MERTK: variants seen among roughly 807,000 people sequenced by gnomAD.
MERTK encodes the protein tyrosine-protein kinase Mer.
A neutral mutation model predicts 99.3 loss-of-function variants in MERTK; 69 were observed. The observed-to-expected ratio is 0.70, with a 90% CI of 0.57 to 0.85. MERTK has a LOEUF of 0.85. MERTK is among the 40% of genes least tolerant of loss of function. The pLI, the probability that MERTK is intolerant of heterozygous loss-of-function variation, is 0.00. For missense variants in MERTK, 1,125 were observed against 1,249.4 expected (o/e 0.90, Z 1.50); for synonymous variants, 426 against 467.6 (o/e 0.91, Z 1.15).
Position 111,968,231 on chromosome 2 carries a change from G to C in MERTK, c.939G>C (p.Pro313=). The C allele has an allele frequency of 6.2e-7, 1 of 1,613,558 alleles. No individual in the cohort carries two copies. The highest frequency in any genetic ancestry group is 8.5e-7 in the Non-Finnish European group (1 of 1,179,576). ...SWVPGFDGYS[P]FRNCSIQVKE... The stretch of plus-strand genomic sequence containing the variant: ...TTCCTGGTTTTGATGGATACTCCCC[G>C]TTCAGGAATTGCAGCATTCAGGTAA... The change falls in exon 6 of 19, where the codon CCG becomes CCC. Residue 313 remains proline (P), a synonymous_variant. Coordinates refer to ENST00000295408, the MANE Select transcript of MERTK (RefSeq NM_006343.3).
chr2:112,014,146 C>T (rs569353682), intron 15 of MERTK, among the ~76,000 whole-genome samples: 6 of 152,006 alleles, frequency 3.9e-5, no homozygotes, highest in African/African-American at 1.4e-4. Context: ...CTCAGCCTCC[C>T]GAGTACCTGG....
intron 15 of MERTK, among the ~76,000 whole-genome samples, chr2:112,011,398 C>T (rs916348775): frequency 2.0e-5 from 3 of 152,162 alleles, no homozygotes; most frequent in South Asian, 2.1e-4. Context: ...TCAGCCAGGT[C>T]GCTTTTCCAA....
intron 1 of MERTK, among the ~76,000 whole-genome samples, chr2:111,924,808 A>G (rs973445140): frequency 6.6e-6 from 1 of 151,984 alleles, no homozygotes; most frequent in Non-Finnish European, 1.5e-5. Context: ...TCAGTTTCCC[A>G]CCACCTTTGA....
At position 111,954,534 on chromosome 2, in the gene MERTK, G is replaced by T. The variant is rs1685114057; in HGVS notation, c.757+6967G>T. 2.0e-5 allele frequency among the ~76,000 whole-genome samples: 3 copies of T among 152,212 alleles called. No individual in the cohort carries two copies. In the South Asian group the frequency reaches 6.2e-4, roughly 31 times the overall value. ...CCTGGCACATAAGAACTATGTGAATGAATGAATGAACTAATGAGCAAACAA... is the reference window on the plus strand; with the variant it reads ...CCTGGCACATAAGAACTATGTGAATTAATGAATGAACTAATGAGCAAACAA... On this transcript the variant is annotated intron_variant, in intron 4 of 18. Transcript: ENST00000295408.
chr2:111,917,228 A>T (rs80088736), intron 1 of MERTK, among the ~76,000 whole-genome samples: 1 of 152,072 alleles, frequency 6.6e-6, no homozygotes, highest in Non-Finnish European at 1.5e-5. Flanking sequence ...TCCTCACACC[A>T]GTCAGTGGGG....
At chr2:111,900,122 A>G (rs1042565365) in intron 1 of MERTK, among the ~76,000 whole-genome samples, 2 of 152,032 alleles carry the variant, frequency 1.3e-5, no homozygotes, top group East Asian at 1.9e-4. Flanking sequence ...TTCACCTATT[A>G]CAGTCAAAGA....
At chr2:111,964,407 G>A (rs898488732) in intron 4 of MERTK, among the ~76,000 whole-genome samples, 17 of 149,198 alleles carry the variant, frequency 1.1e-4, no homozygotes, top group African/African-American at 2.8e-4. Context: ...GTGCGCGCGC[G>A]CACGCGCATG....
At chr2:111,958,543 G>A (rs1249016804) in intron 4 of MERTK, among the ~76,000 whole-genome samples, 1 of 152,144 alleles carries the variant, frequency 6.6e-6, no homozygotes, top group African/African-American at 2.4e-5. Flanking sequence ...TATCTCTTTG[G>A]CCTATGGGCA....
At chr2:111,919,028 A>G (rs1213235287) in intron 1 of MERTK, among the ~76,000 whole-genome samples, 1 of 152,206 alleles carries the variant, frequency 6.6e-6, no homozygotes, top group Admixed American at 6.5e-5. Flanking sequence ...TTTTACAGAA[A>G]GAGGAGAGTG....
chr2:112,023,185 C>T (rs367987423), intron 18 of MERTK, among the ~76,000 whole-genome samples: 6 of 152,184 alleles, frequency 3.9e-5, no homozygotes, highest in Middle Eastern at 3.4e-3. Context: ...GAGGCCGACG[C>T]GGGTGGATCA....
Position 112,019,544 on chromosome 2 carries a change from G to A in MERTK, c.2189+22G>A, listed in dbSNP as rs766025546. On this transcript the variant is annotated intron_variant, in intron 16 of 18. Transcript: ENST00000295408. The stretch of plus-strand genomic sequence containing the variant: ...GCATGTAAGAGTCCTCGGCTATCCT[G>A]GAAGGGTTTGGACCTCATGGTGTTT... 22 of 1,551,514 alleles carry A rather than the reference G, an allele frequency of 1.4e-5. No individual in the cohort carries two copies. The Admixed American group carries it at 3.7e-4, about 26-fold the overall frequency.
intron 1 of MERTK, among the ~76,000 whole-genome samples, chr2:111,901,805 T>C (rs1437777704): frequency 6.6e-6 from 1 of 152,118 alleles, no homozygotes; most frequent in African/African-American, 2.4e-5. Flanking sequence ...TCTTCCCACC[T>C]TAGCCTCTCA....
chr2:111,980,412 C>CTTTTT (rs34831521), intron 7 of MERTK, among the ~76,000 whole-genome samples: 94 of 100,968 alleles, frequency 9.3e-4, no homozygotes, highest in Non-Finnish European at 1.2e-3. Context: ...GCAACTATTT[C>CTTTTT]TTTTTTTTTT....
chr2:111,972,970 GT>G (rs1203411076), intron 6 of MERTK, among the ~76,000 whole-genome samples: 8 of 152,172 alleles, frequency 5.3e-5, no homozygotes, highest in African/African-American at 1.7e-4. Flanking sequence ...CCAAATGAAT[GT>G]TTTGGATGAG....
intron 4 of MERTK, among the ~76,000 whole-genome samples, chr2:111,955,162 G>T (rs560545111): frequency 6.6e-6 from 1 of 152,170 alleles, no homozygotes; most frequent in African/African-American, 2.4e-5. Flanking sequence ...TTAAATAGCC[G>T]ATTGTTTGGA....
chr2:111,993,550 G>A (rs1189610311), intron 8 of MERTK, among the ~76,000 whole-genome samples: 1 of 152,116 alleles, frequency 6.6e-6, no homozygotes, highest in Non-Finnish European at 1.5e-5. Flanking sequence ...CATTTGAAAA[G>A]CCAGCCCAAA....
At chr2:111,952,269 T>G (rs1401609830) in intron 4 of MERTK, 1 of 161,450 alleles carries the variant, frequency 6.2e-6, no homozygotes, top group African/African-American at 2.4e-5. Context: ...ACAGTGTTCA[T>G]ATCATCAGTA....
intron 1 of MERTK, among the ~76,000 whole-genome samples, chr2:111,917,507 C>T (rs538637313): frequency 1.3e-5 from 2 of 152,234 alleles, no homozygotes; most frequent in African/African-American, 2.4e-5. Context: ...AAAAGGAAAC[C>T]GATTTGTTCT....
At position 111,960,688 on chromosome 2, in the gene MERTK, G is replaced by A. The variant is rs185262896; in HGVS notation, c.758-4503G>A. Among the ~76,000 whole-genome samples the A allele has an allele frequency of 1.4e-3, 213 of 151,804 alleles. 2 individuals carry two copies. Among genetic ancestry groups the A allele is most frequent in the African/African-American group, 4.6e-3 (191 of 41,340 alleles). ...TTTTTGTTGCCAATAAGTTCCCATG[G>A]TTTAAGCAAAAACTTTCAAATGTGT... On this transcript the variant is annotated intron_variant, in intron 4 of 18. Coordinates refer to ENST00000295408, the MANE Select transcript of MERTK (RefSeq NM_006343.3).
Sources: allele counts gnomAD v4.1 joint callset (sites outside exome capture counted in the v4.1 genomes callset), GRCh38; gene constraint gnomAD v4.1.1; transcripts MANE v1.5; gene names NCBI Gene and HGNC (gene_info 2026-07-23, HGNC 2026-07-21).